Variants in NRXN3 observed in about 807,000 individuals in gnomAD.
NRXN3 encodes neurexin III.
NRXN3 carries 32 observed loss-of-function variants against 137.6 expected under a neutral mutation model. That is an observed-to-expected ratio of 0.23 (90% CI 0.18 to 0.31). NRXN3 has a LOEUF of 0.31. Ranked by LOEUF, NRXN3 falls within the 10% of genes least tolerant of loss-of-function variation. The pLI, the probability that NRXN3 is intolerant of heterozygous loss-of-function variation, is 1.00. For missense variants in NRXN3, 1,574 were observed against 2,062.5 expected, an observed-to-expected ratio of 0.76 and a Z score of 4.59; for synonymous variants, 798 against 784.5, an observed-to-expected ratio of 1.02 and a Z score of -0.29.
intron 19 of NRXN3, among the ~76,000 whole-genome samples, chr14:79,771,303 C>G (rs532735177): frequency 1.3e-5 from 2 of 152,272 alleles, no homozygotes; most frequent in African/African-American, 4.8e-5. Flanking sequence ...GATACCAAAG[C>G]CGGGCAGAGA....
In NRXN3 at chr14:79,569,010, T is replaced by C. The variant is rs76534622; in HGVS notation, c.3445-94768T>C. On this transcript the variant is annotated intron_variant, in intron 16 of 20. Transcript: ENST00000335750. Reference sequence around the variant, plus strand: ...TTGATGGGATGCATTTTTAAACATGTGATTGCGGCTCTTAGACTTAAAAAA... The same window carrying C: ...TTGATGGGATGCATTTTTAAACATGCGATTGCGGCTCTTAGACTTAAAAAA... 6.3e-3 allele frequency among the ~76,000 whole-genome samples: 963 copies of C among 152,204 alleles called. 12 individuals are homozygous for C. The highest frequency in any genetic ancestry group is 0.044 in the Middle Eastern group (13 of 294).
At chr14:79,513,883 G>C (rs1033089375) in intron 16 of NRXN3, among the ~76,000 whole-genome samples, 1 of 152,092 alleles carries the variant, frequency 6.6e-6, no homozygotes, top group African/African-American at 2.4e-5. Flanking sequence ...GCAGTACCTA[G>C]GGACATTTAT....
chr14:79,407,116 C>G (rs2095329040), intron 15 of NRXN3, among the ~76,000 whole-genome samples: 1 of 152,072 alleles, frequency 6.6e-6, no homozygotes, highest in Non-Finnish European at 1.5e-5. Context: ...CCTTTGGTTT[C>G]CTCTCAGGAG....
chr14:78,521,549 A>G (rs2096284148), intron 4 of NRXN3, among the ~76,000 whole-genome samples: 2 of 152,146 alleles, frequency 1.3e-5, no homozygotes, highest in South Asian at 2.1e-4. Context: ...CCAATTGAGG[A>G]TGGTTAAGTG....
intron 4 of NRXN3, among the ~76,000 whole-genome samples, chr14:78,357,151 A>G (rs1339067012): frequency 6.6e-6 from 1 of 152,200 alleles, no homozygotes; most frequent in Non-Finnish European, 1.5e-5. Flanking sequence ...AAGGAAAGAG[A>G]TTTAATGAAG....
chr14:78,559,249 A>G (rs2096765839), intron 4 of NRXN3, among the ~76,000 whole-genome samples: 1 of 152,152 alleles, frequency 6.6e-6, no homozygotes, highest in African/African-American at 2.4e-5. Context: ...CTTGTTATTT[A>G]TTTAAAATTT....
At chr14:78,337,872 A>G (rs1477103640) in intron 4 of NRXN3, among the ~76,000 whole-genome samples, 1 of 152,124 alleles carries the variant, frequency 6.6e-6, no homozygotes, top group East Asian at 1.9e-4. Flanking sequence ...GCAATGAAGT[A>G]TATAGTTGGG....
chr14:79,592,392 T>C (rs143388015), intron 16 of NRXN3, among the ~76,000 whole-genome samples: 163 of 152,316 alleles, frequency 1.1e-3, no homozygotes, highest in African/African-American at 3.8e-3. Flanking sequence ...TGTAATAAAA[T>C]ATTTCCAGTC....
chr14:79,127,149 T>C (rs2056655057), intron 15 of NRXN3, among the ~76,000 whole-genome samples: 1 of 152,136 alleles, frequency 6.6e-6, no homozygotes. Flanking sequence ...GATCGTAGTT[T>C]CTTTTGCTGT....
intron 1 of NRXN3, among the ~76,000 whole-genome samples, chr14:78,236,123 T>C (rs551955931): frequency 6.4e-4 from 98 of 152,330 alleles, no homozygotes; most frequent in Middle Eastern, 3.4e-3. Context: ...GTTGCTTTTA[T>C]TGAAATATAG....
rs146567878 is a variant in NRXN3, at chr14:78,433,920, C to T, written c.757+136060C>T. On this transcript the variant is annotated intron_variant, in intron 4 of 20. Coordinates refer to ENST00000335750, the MANE Select transcript of NRXN3 (RefSeq NM_001330195.2). ...GTTACTGATGCTCCTTGACTTACAA[C>T]GAGGTGATGTCCTGACAAACCCATG... 1.8e-4 allele frequency among the ~76,000 whole-genome samples: 28 copies of T among 152,264 alleles called. No individual in the cohort carries two copies. In the East Asian group the frequency reaches 2.3e-3, roughly 13 times the overall value.
At chr14:79,490,664 G>T (rs1287309947) in intron 16 of NRXN3, among the ~76,000 whole-genome samples, 1 of 151,092 alleles carries the variant, frequency 6.6e-6, no homozygotes, top group Non-Finnish European at 1.5e-5. Context: ...GTTACCAGAG[G>T]CTGGGAAGGG....
Position 79,115,256 on chromosome 14 carries a change from C to T in NRXN3, c.3262+127115C>T, listed in dbSNP as rs757697651. On this transcript the variant is annotated intron_variant, in intron 15 of 20. Coordinates refer to ENST00000335750, the MANE Select transcript of NRXN3 (RefSeq NM_001330195.2). ...AGGAGAATCGCTTGAACCTGGGAGA[C>T]GGAGGCTGCGGTCAGCCGAGATTGC... Among the ~76,000 whole-genome samples the T allele has an allele frequency of 6.2e-4, 91 of 146,808 alleles. 1 individual carries two copies. The highest frequency in any genetic ancestry group is 8.8e-4 in the Non-Finnish European group (59 of 67,378).
intron 19 of NRXN3, among the ~76,000 whole-genome samples, chr14:79,710,989 C>G (rs1452996744): frequency 6.6e-6 from 1 of 152,174 alleles, no homozygotes; most frequent in African/African-American, 2.4e-5. Flanking sequence ...TTGGCTAGTA[C>G]AGTTGCAAAG....
intron 15 of NRXN3, among the ~76,000 whole-genome samples, chr14:79,465,856 A>G (rs1366106257): frequency 1.3e-5 from 2 of 152,346 alleles, no homozygotes; most frequent in East Asian, 3.9e-4. Context: ...AGTATTCGCT[A>G]TGGGTAACAC....
chr14:79,762,564 A>C (rs1311497861), intron 19 of NRXN3, among the ~76,000 whole-genome samples: 13 of 151,414 alleles, frequency 8.6e-5, no homozygotes, highest in Admixed American at 8.5e-4. Context: ...CTGAGTTCAT[A>C]TGTCCATCGC....
chr14:79,422,860 C>T (rs1042604116), intron 15 of NRXN3, among the ~76,000 whole-genome samples: 10 of 151,880 alleles, frequency 6.6e-5, no homozygotes, highest in South Asian at 4.2e-4. Context: ...CCACCATGCC[C>T]GGCTAATTTT....
chr14:79,101,045 G>A (rs1232247602), intron 15 of NRXN3, among the ~76,000 whole-genome samples: 1 of 152,146 alleles, frequency 6.6e-6, no homozygotes, highest in African/African-American at 2.4e-5. Context: ...AAGAAAGCAA[G>A]TACAAAGCAA....
chr14:78,303,146 TTCC>T (rs1038569652), intron 4 of NRXN3, among the ~76,000 whole-genome samples: 29 of 152,158 alleles, frequency 1.9e-4, no homozygotes, highest in African/African-American at 7.0e-4. Flanking sequence ...TCTCTAGAAT[TTCC>T]TCATCTCTTA....
Sources: allele counts gnomAD v4.1 joint callset (sites outside exome capture counted in the v4.1 genomes callset), GRCh38; gene constraint gnomAD v4.1.1; transcripts MANE v1.5; gene names NCBI Gene and HGNC (gene_info 2026-07-23, HGNC 2026-07-21).